Variants in DIAPH2 observed in about 807,000 individuals in gnomAD.
DIAPH2 encodes the protein protein diaphanous homolog 2.
In DIAPH2, 35 loss-of-function variants were observed where a neutral mutation model predicts 92.7. That is an observed-to-expected ratio of 0.38 (90% CI 0.29 to 0.50). The LOEUF is 0.50. Among genes scored for constraint, DIAPH2 ranks in the 20% least tolerant of loss-of-function variants. The pLI is 0.94. For missense variants in DIAPH2, 701 were observed against 819.5 expected (o/e 0.86, Z 1.77); for synonymous variants, 301 against 280.4 (o/e 1.07, Z -0.73).
At chrX:96,967,636 C>G (rs1021748811) in intron 17 of DIAPH2, among the ~76,000 whole-genome samples, 1 of 110,494 alleles carries the variant, frequency 9.1e-6, no homozygotes, top group South Asian at 3.9e-4. Context: ...AGGCTAGTCT[C>G]AAACTCCTGG....
intron 20 of DIAPH2, among the ~76,000 whole-genome samples, chrX:97,107,991 A>T (rs1043329096): frequency 3.7e-5 from 4 of 108,909 alleles, no homozygotes; most frequent in African/African-American, 1.3e-4. Flanking sequence ...TGATTTTTAC[A>T]TTTGTGCTCT....
intron 3 of DIAPH2, among the ~76,000 whole-genome samples, chrX:96,742,545 C>A (rs753291884): frequency 1.3e-4 from 14 of 111,909 alleles, no homozygotes; most frequent in African/African-American, 4.5e-4. Flanking sequence ...TGACACCCAC[C>A]ACACCTTACC....
chrX:96,738,644 A>G lies in DIAPH2; in HGVS notation c.224A>G (p.Gln75Arg). The stretch of plus-strand genomic sequence containing the variant: ...GTCAAAAAAGAAAAACCTCTTATTC[A>G]ACATCCTATTGATTCTCAAGTCGCG... ...STVKKEKPLIQHPIDSQVAMS... is the reference protein window; with the variant it reads ...STVKKEKPLIRHPIDSQVAMS... The change falls in exon 3 of 27, where the codon CAA (glutamine) becomes CGA (arginine). Residue 75 changes from glutamine to arginine, a missense_variant. Transcript: ENST00000324765. 8.3e-7 allele frequency: 1 copy of G among 1,206,765 alleles called. No homozygotes were observed.
chrX:96,737,012 T>G lies in DIAPH2; in HGVS notation c.165+1222T>G, dbSNP rs998119920. 3.6e-5 allele frequency among the ~76,000 whole-genome samples: 4 copies of G among 112,060 alleles called. No homozygotes were observed. The East Asian group carries it at 8.4e-4, about 24-fold the overall frequency. ...GTTGTTTGAAGATATACTATATAAC[T>G]AAACCAACTTAATTTCCCTCAAAAA... On this transcript the variant is annotated intron_variant, in intron 2 of 26. Transcript: ENST00000324765.
intron 15 of DIAPH2, among the ~76,000 whole-genome samples, chrX:96,950,459 C>G (rs2065767213): frequency 9.0e-6 from 1 of 111,403 alleles, no homozygotes; most frequent in Non-Finnish European, 1.9e-5. Flanking sequence ...GATGGTGAAG[C>G]TGGAGTTTTC....
At position 96,975,985 on chromosome X, in the gene DIAPH2, C is replaced by G. The variant is rs189364868; in HGVS notation, c.2050+10778C>G. 2.8e-3 allele frequency among the ~76,000 whole-genome samples: 297 copies of G among 106,527 alleles called. 2 individuals are homozygous for G. Among genetic ancestry groups the G allele is most frequent in the Non-Finnish European group, 4.0e-3 (206 of 51,724 alleles). The allele number at this position is 106,527 out of a possible 115,157, so 92.5% of individuals were successfully genotyped here. A position where few individuals can be genotyped will look rare whatever the true frequency, so the allele number is the denominator to read the frequency against. ...CCTGTACATAATTTCTTTTCTTTCC[C>G]TCCCTCCCTCCTTCCCTCTCTCCCT... On this transcript the variant is annotated intron_variant, in intron 17 of 26. Coordinates refer to ENST00000324765, the MANE Select transcript of DIAPH2 (RefSeq NM_006729.5).
intron 26 of DIAPH2, among the ~76,000 whole-genome samples, chrX:97,526,883 C>G: frequency 9.0e-6 from 1 of 111,526 alleles, no homozygotes; most frequent in Admixed American, 9.6e-5. Flanking sequence ...TATCTCATTT[C>G]TGTCCCTACC....
chrX:97,166,334 T>C (rs2067412381), intron 22 of DIAPH2, among the ~76,000 whole-genome samples: 1 of 111,755 alleles, frequency 8.9e-6, no homozygotes, highest in Non-Finnish European at 1.9e-5. Flanking sequence ...TGTCTTTCTG[T>C]GAGATATATA....
chrX:97,020,820 T>C (rs947113402), intron 17 of DIAPH2, among the ~76,000 whole-genome samples: 1 of 112,036 alleles, frequency 8.9e-6, no homozygotes, highest in Non-Finnish European at 1.9e-5. Flanking sequence ...ACTTATGAAT[T>C]GTTTATTTCT....
chrX:96,776,966 T>C (rs752281731), intron 4 of DIAPH2, among the ~76,000 whole-genome samples: 2 of 112,266 alleles, frequency 1.8e-5, no homozygotes, highest in African/African-American at 3.2e-5. Flanking sequence ...TAGTTAAACT[T>C]TTAGAATTCT....
chrX:97,239,379 A>G (rs996803826), intron 22 of DIAPH2, among the ~76,000 whole-genome samples: 1 of 112,007 alleles, frequency 8.9e-6, no homozygotes, highest in African/African-American at 3.2e-5. Flanking sequence ...ATATTTTTCA[A>G]CTGAAGCAAG....
intron 17 of DIAPH2, among the ~76,000 whole-genome samples, chrX:96,986,273 A>C (rs1241134835): frequency 9.0e-6 from 1 of 111,683 alleles, no homozygotes; most frequent in Non-Finnish European, 1.9e-5. Flanking sequence ...GATTATATGA[A>C]ATATTTTAAA....
chrX:96,788,892 G>C (rs1002626189), intron 4 of DIAPH2, among the ~76,000 whole-genome samples: 3 of 112,142 alleles, frequency 2.7e-5, no homozygotes, highest in Admixed American at 9.4e-5. Context: ...AATTTGAGGG[G>C]AGCACCCAAG....
At chrX:97,016,143 C>T (rs1159128076) in intron 17 of DIAPH2, among the ~76,000 whole-genome samples, 1 of 111,774 alleles carries the variant, frequency 8.9e-6, no homozygotes, top group Non-Finnish European at 1.9e-5. Context: ...CTTCTGTTTT[C>T]ATTTGGATCA....
At position 97,499,371 on chromosome X, in the gene DIAPH2, G is replaced by A. The variant is rs184997772; in HGVS notation, c.3241+69626G>A. ...GTGATACATTAATGAATAACCTCTGGTTGTTGACTCCCTTTTTGTTATTGG... is the reference window on the plus strand; with the variant it reads ...GTGATACATTAATGAATAACCTCTGATTGTTGACTCCCTTTTTGTTATTGG... On this transcript the variant is annotated intron_variant, in intron 26 of 26. Coordinates refer to ENST00000324765, the MANE Select transcript of DIAPH2 (RefSeq NM_006729.5). Among the ~76,000 whole-genome samples the A allele has an allele frequency of 2.7e-5, 3 of 111,866 alleles. No individual in the cohort carries two copies. In the East Asian group the frequency reaches 8.4e-4, roughly 31 times the overall value.
intron 4 of DIAPH2, among the ~76,000 whole-genome samples, chrX:96,815,170 C>T (rs1569403337): frequency 8.9e-6 from 1 of 112,075 alleles, no homozygotes; most frequent in Non-Finnish European, 1.9e-5. Flanking sequence ...TGGGCCTTGC[C>T]GAGCTGCAGT....
intron 21 of DIAPH2, among the ~76,000 whole-genome samples, chrX:97,125,935 C>G (rs755821272): frequency 9.0e-6 from 1 of 111,465 alleles, no homozygotes; most frequent in African/African-American, 3.3e-5. Context: ...GCATTTTCAG[C>G]GCTAGAGCAG....
chrX:97,074,412 G>GA lies in DIAPH2; in HGVS notation c.2153-747dup, dbSNP rs779342620. 3.6e-5 allele frequency among the ~76,000 whole-genome samples: 4 copies of GA among 110,606 alleles called. No homozygotes were observed. The Admixed American group carries it at 3.8e-4, about 11-fold the overall frequency. ...CAAGAACGAAACTGTCTCAAAAAAA[G>GA]AAAAAAAAGAAAAAAGAAATGTTCA... On this transcript the variant is annotated intron_variant, in intron 18 of 26. Coordinates refer to ENST00000324765, the MANE Select transcript of DIAPH2 (RefSeq NM_006729.5).
At chrX:96,885,063 T>C in intron 5 of DIAPH2, 1 of 1,209,774 alleles carries the variant, frequency 8.3e-7, no homozygotes, top group Non-Finnish European at 1.1e-6. Flanking sequence ...TCTATCCCAC[T>C]GTGGATCGGG....
Sources: gnomAD v4.1 joint callset for allele counts (sites outside exome capture counted in the v4.1 genomes callset) on GRCh38, gnomAD v4.1.1 for gene constraint, MANE v1.5 for transcripts, NCBI Gene and HGNC (gene_info 2026-07-23, HGNC 2026-07-21) for gene names.